Variants in GPBP1L1 observed in about 807,000 individuals in gnomAD.
GPBP1L1 encodes the protein vasculin-like protein 1.
In GPBP1L1, 23 loss-of-function variants were observed where a neutral mutation model predicts 52.5. That is an observed-to-expected ratio of 0.44 (90% CI 0.32 to 0.62). The LOEUF (loss-of-function observed/expected upper bound fraction) is 0.62. Among genes scored for constraint, GPBP1L1 ranks in the 20% least tolerant of loss-of-function variants. The pLI, the probability that GPBP1L1 is intolerant of heterozygous loss-of-function variation, is 0.06. For synonymous variants in GPBP1L1, 243 were observed against 203.1 expected (o/e 1.20, Z -1.67); for missense variants, 596 against 579.3 (o/e 1.03, Z -0.30).
Position 45,629,637 on chromosome 1 carries a change from T to A in GPBP1L1, c.1211A>T (p.Asp404Val). Reference sequence around the variant, plus strand: ...CTCTGTGAGGGGAAGGCAATTCTCATCATTTTCAGGATATTCCTGCCAACC... The same window carrying A: ...CTCTGTGAGGGGAAGGCAATTCTCAACATTTTCAGGATATTCCTGCCAACC... ...AMGWQEYPEN[D>V]ENCLPLTEDE... The change falls in exon 12 of 13, where the codon GAT becomes GTT. Residue 404 changes from aspartate (D) to valine (V), a missense_variant. Transcript: ENST00000355105. The A allele has an allele frequency of 6.2e-7, 1 of 1,613,394 alleles. No individual in the cohort carries two copies. The highest frequency in any genetic ancestry group is 8.5e-7 in the Non-Finnish European group (1 of 1,179,372).
intron 10 of GPBP1L1, 134 bp downstream of exon 10, chr1:45,633,355 G>A (rs370137715): frequency 2.4e-6 from 2 of 840,038 alleles, no homozygotes; most frequent in East Asian, 4.9e-5. Flanking sequence ...TGGTCTAGAA[G>A]GCAGTTACAC....
Position 45,645,806 on chromosome 1 carries a change from T to G in GPBP1L1, c.478-3307A>C, listed in dbSNP as rs553180066. The stretch of plus-strand genomic sequence containing the variant: ...TTGAGGCATTTTATTTGTAAATATG[T>G]ATTGCATCCCTAGAAACAAAATCCA... On this transcript the variant is annotated intron_variant, in intron 6 of 12. Coordinates refer to ENST00000355105, the MANE Select transcript of GPBP1L1 (RefSeq NM_021639.5). The G allele has an allele frequency of 2.2e-4, 94 of 426,350 alleles. 2 individuals carry two copies. The East Asian group carries it at 5.5e-3, about 25-fold the overall frequency. 26.4% of individuals were successfully genotyped at this position (426,350 alleles called of 1,614,324 possible). A position where few individuals can be genotyped will look rare whatever the true frequency, so the allele number is the denominator to read the frequency against.
rs983908102 is a variant in GPBP1L1, at chr1:45,655,469, C to G, written c.61-150G>C. ...AGCATATGGACCCTAAGGGTACCCACAGGTGCCTAATTTAGAGAAGTCCTA... is the reference window on the plus strand; with the variant it reads ...AGCATATGGACCCTAAGGGTACCCAGAGGTGCCTAATTTAGAGAAGTCCTA... On this transcript the variant is annotated intron_variant, in intron 4 of 12. Transcript: ENST00000355105. The G allele has an allele frequency of 3.9e-6, 3 of 768,672 alleles. No individual in the cohort carries two copies. The African/African-American group carries it at 5.3e-5, about 14-fold the overall frequency. The allele number at this position is 768,672 out of a possible 1,614,324, so 47.6% of individuals were successfully genotyped here.
chr1:45,683,336 G>T, intron 2 of GPBP1L1, among the ~76,000 whole-genome samples: 1 of 148,570 alleles, frequency 6.7e-6, no homozygotes, highest in East Asian at 2.0e-4. Context: ...CTCCCGAGTA[G>T]CTGGCACTAC....
intron 11 of GPBP1L1, 123 bp downstream of exon 11, chr1:45,630,359 C>T (rs953720992): frequency 8.7e-7 from 1 of 1,150,528 alleles, no homozygotes; most frequent in Non-Finnish European, 1.2e-6. Context: ...ACACAGAGAA[C>T]AAGTTATGAC....
Position 45,630,366 on chromosome 1 carries a change from T to C in GPBP1L1, c.1169+116A>G, listed in dbSNP as rs879222367. 6.5e-6 allele frequency: 8 copies of C among 1,225,006 alleles called. No homozygotes were observed. In the South Asian group the frequency reaches 1.0e-4, roughly 16 times the overall value. The allele number at this position is 1,225,006 out of a possible 1,614,324, so 75.9% of individuals were successfully genotyped here. A position where few individuals can be genotyped will look rare whatever the true frequency, so the allele number is the denominator to read the frequency against. On this transcript the variant is annotated intron_variant, in intron 11 of 12. Coordinates refer to ENST00000355105, the MANE Select transcript of GPBP1L1 (RefSeq NM_021639.5). The stretch of plus-strand genomic sequence containing the variant: ...TGGGGCATACACAGAGAACAAGTTA[T>C]GACTGGGCCACTTCTCTCTGCATGT...
chr1:45,670,815 T>G (rs1436756906), intron 2 of GPBP1L1, among the ~76,000 whole-genome samples: 8 of 141,816 alleles, frequency 5.6e-5, no homozygotes, highest in Non-Finnish European at 1.5e-5. Context: ...TTTTGTGAGA[T>G]GGAGTCTCAC....
At chr1:45,658,679 C>T in intron 4 of GPBP1L1, 1 of 265,492 alleles carries the variant, frequency 3.8e-6, no homozygotes, top group East Asian at 7.9e-5. Flanking sequence ...CCTGTAATCC[C>T]AGCACTTTGG....
intron 2 of GPBP1L1, among the ~76,000 whole-genome samples, chr1:45,665,345 C>T (rs1644996849): frequency 6.6e-6 from 1 of 152,090 alleles, no homozygotes; most frequent in Admixed American, 6.5e-5. Flanking sequence ...CAAGCATGTG[C>T]TCTGGAGCTC....
chr1:45,668,925 C>T (rs1645042458), intron 2 of GPBP1L1, among the ~76,000 whole-genome samples: 1 of 152,078 alleles, frequency 6.6e-6, no homozygotes, highest in South Asian at 2.1e-4. Context: ...TATGACTGTA[C>T]TACTGCGCTC....
At chr1:45,671,209 C>CTT (rs5773890) in intron 2 of GPBP1L1, among the ~76,000 whole-genome samples, 1,152 of 99,790 alleles carry the variant, frequency 0.012, 51 homozygotes, top group African/African-American at 0.019. Context: ...GGCTCTCTGG[C>CTT]TTTTTTTTTT....
At position 45,660,479 on chromosome 1, in the gene GPBP1L1, G is replaced by GT; in HGVS notation, c.-352dup. 1 of 981,632 alleles carries GT rather than the reference G, an allele frequency of 1.0e-6. No individual in the cohort carries two copies. 60.8% of individuals were successfully genotyped at this position (981,632 alleles called of 1,614,324 possible). A position where few individuals can be genotyped will look rare whatever the true frequency, so the allele number is the denominator to read the frequency against. On this transcript the variant is annotated 5_prime_UTR_variant, in exon 3 of 13. Transcript: ENST00000355105. Reference sequence around the variant, plus strand: ...AAAAGGGGGGGAAGGGGAAAGAGCTGTATCTATGTTCACCTCATTCAACTT... The same window carrying GT: ...AAAAGGGGGGGAAGGGGAAAGAGCTGTTATCTATGTTCACCTCATTCAACTT...
At chr1:45,631,142 A>C (rs973118168) in intron 10 of GPBP1L1, among the ~76,000 whole-genome samples, 3 of 152,258 alleles carry the variant, frequency 2.0e-5, no homozygotes, top group Non-Finnish European at 4.4e-5. Flanking sequence ...ACAAAAATAA[A>C]GTCAAAATGG....
At chr1:45,645,734 G>C (rs1644735095) in intron 6 of GPBP1L1, 1 of 339,296 alleles carries the variant, frequency 2.9e-6, no homozygotes, top group South Asian at 2.4e-5. Flanking sequence ...TAGTTCTCAG[G>C]AAAAGTCTTG....
chr1:45,634,923 G>C (rs1644575286), intron 8 of GPBP1L1: 1 of 152,268 alleles, frequency 6.6e-6, no homozygotes, highest in South Asian at 2.1e-4. Flanking sequence ...CAGTGGAGTG[G>C]TGCTGAAGCA....
At chr1:45,640,166 A>G (rs1569777933) in intron 8 of GPBP1L1, 44 bp downstream of exon 8, 2 of 1,472,498 alleles carry the variant, frequency 1.4e-6, no homozygotes, top group Non-Finnish European at 9.3e-7. Flanking sequence ...ATTTATTCCC[A>G]AACCTCTCTT....
intron 2 of GPBP1L1, among the ~76,000 whole-genome samples, chr1:45,679,474 A>T (rs1645186161): frequency 6.6e-6 from 1 of 152,212 alleles, no homozygotes; most frequent in East Asian, 1.9e-4. Context: ...AGTTTGGGTA[A>T]CATGACCCAG....
chr1:45,681,780 C>G (rs1645215299), intron 2 of GPBP1L1, among the ~76,000 whole-genome samples: 4 of 152,192 alleles, frequency 2.6e-5, no homozygotes, highest in Admixed American at 2.6e-4. Flanking sequence ...AAATAATTCA[C>G]TCAAAGTCAC....
intron 8 of GPBP1L1, among the ~76,000 whole-genome samples, chr1:45,636,530 T>C (rs1046304105): frequency 6.6e-6 from 1 of 152,180 alleles, no homozygotes; most frequent in Non-Finnish European, 1.5e-5. Context: ...ACCGAACCAA[T>C]ATGGTTCCTT....
Sources: allele counts gnomAD v4.1 joint callset (sites outside exome capture counted in the v4.1 genomes callset), GRCh38; gene constraint gnomAD v4.1.1; transcripts MANE v1.5; gene names NCBI Gene and HGNC (gene_info 2026-07-23, HGNC 2026-07-21).